The following FYN variants were observed in gnomAD, a reference collection of about 807,000 sequenced individuals.
The protein encoded by FYN is tyrosine-protein kinase Fyn.
A neutral mutation model predicts 70.2 loss-of-function variants in FYN; 10 were observed. That is an observed-to-expected ratio of 0.14 (90% CI 0.09 to 0.24). The LOEUF (loss-of-function observed/expected upper bound fraction) is 0.24. FYN is among the 10% of genes least tolerant of loss of function. FYN has a pLI of 1.00. For synonymous variants in FYN, 236 were observed against 248.6 expected, an observed-to-expected ratio of 0.95 and a Z score of 0.48; for missense variants, 319 against 673.1, an observed-to-expected ratio of 0.47 and a Z score of 5.82.
intron 2 of FYN, among the ~76,000 whole-genome samples, chr6:111,783,501 C>T (rs935825064): frequency 2.0e-5 from 3 of 152,170 alleles, no homozygotes; most frequent in African/African-American, 4.8e-5. Context: ...GATAACAAAA[C>T]GGGTGGCATG....
At chr6:111,695,478 A>C (rs1799531991) in intron 10 of FYN, among the ~76,000 whole-genome samples, 1 of 152,226 alleles carries the variant, frequency 6.6e-6, no homozygotes, top group African/African-American at 2.4e-5. Context: ...TCATTTGCAG[A>C]AGCTGGAGGC....
intron 1 of FYN, among the ~76,000 whole-genome samples, chr6:111,870,292 G>A (rs1250553502): frequency 1.3e-5 from 2 of 152,200 alleles, no homozygotes; most frequent in African/African-American, 2.4e-5. Context: ...TAAGCTATGG[G>A]ATGGTGGAGC....
At chr6:111,730,832 A>G (rs1801414902) in intron 3 of FYN, among the ~76,000 whole-genome samples, 1 of 151,562 alleles carries the variant, frequency 6.6e-6, no homozygotes, top group Admixed American at 6.6e-5. Flanking sequence ...TTCTATAAAA[A>G]CAATCAACCA....
chr6:111,769,132 T>C (rs777659005), intron 3 of FYN, among the ~76,000 whole-genome samples: 47 of 152,190 alleles, frequency 3.1e-4, no homozygotes, highest in Non-Finnish European at 5.4e-4. Flanking sequence ...ATCCAAAGGA[T>C]ACAGCACTGA....
At chr6:111,822,802 G>T (rs1772713713) in intron 2 of FYN, among the ~76,000 whole-genome samples, 1 of 152,146 alleles carries the variant, frequency 6.6e-6, no homozygotes, top group Non-Finnish European at 1.5e-5. Context: ...GAGTCAGAGA[G>T]GCGAGGGGAG....
At chr6:111,803,603 T>C (rs1030478048) in intron 2 of FYN, among the ~76,000 whole-genome samples, 31 of 152,208 alleles carry the variant, frequency 2.0e-4, no homozygotes, top group African/African-American at 6.5e-4. Flanking sequence ...ATCCACTTCA[T>C]AGTGTTTTGA....
rs547110414 is a variant in FYN, at chr6:111,799,582, G to A, written c.-81-18947C>T. ...ATACTACTAATTTCTGACATCTTCCGTCTCCTTGTGGTCCTTTCATCAAGT... is the reference window on the plus strand; with the variant it reads ...ATACTACTAATTTCTGACATCTTCCATCTCCTTGTGGTCCTTTCATCAAGT... On this transcript the variant is annotated intron_variant, in intron 2 of 13. Transcript: ENST00000354650. Among the ~76,000 whole-genome samples the A allele has an allele frequency of 2.6e-5, 4 of 152,258 alleles. No homozygotes were observed. The South Asian group carries it at 6.2e-4, about 24-fold the overall frequency.
intron 3 of FYN, among the ~76,000 whole-genome samples, chr6:111,747,185 A>ATT (rs1802266496): frequency 6.6e-6 from 1 of 152,200 alleles, no homozygotes; most frequent in Non-Finnish European, 1.5e-5. Flanking sequence ...AGTGGCTCAA[A>ATT]AGCATTTTCA....
Position 111,792,534 on chromosome 6 carries a change from C to T in FYN, c.-81-11899G>A, listed in dbSNP as rs542617765. On this transcript the variant is annotated intron_variant, in intron 2 of 13. Coordinates refer to ENST00000354650, the MANE Select transcript of FYN (RefSeq NM_002037.5). Reference sequence around the variant, plus strand: ...ACAAGAATGATCCTACCAGTACTATCTCTAACAGCCCCAAACTCGAAATAA... The same window carrying T: ...ACAAGAATGATCCTACCAGTACTATTTCTAACAGCCCCAAACTCGAAATAA... Among the ~76,000 whole-genome samples, 232 of 152,338 alleles carry T rather than the reference C, an allele frequency of 1.5e-3. 9 individuals are homozygous for T. In the South Asian group the frequency reaches 0.048, roughly 31 times the overall value.
intron 13 of FYN, among the ~76,000 whole-genome samples, chr6:111,667,400 C>T (rs1305764290): frequency 6.6e-6 from 1 of 151,992 alleles, no homozygotes; most frequent in Non-Finnish European, 1.5e-5. Flanking sequence ...CACCACCATG[C>T]CTGGCTGATT....
chr6:111,790,144 T>C (rs989837447), intron 2 of FYN, among the ~76,000 whole-genome samples: 1 of 151,852 alleles, frequency 6.6e-6, no homozygotes, highest in Non-Finnish European at 1.5e-5. Context: ...TGCCAAAAGA[T>C]ATCCAGCTAG....
chr6:111,843,378 T>G (rs557150392), intron 2 of FYN, among the ~76,000 whole-genome samples: 1 of 152,356 alleles, frequency 6.6e-6, no homozygotes, highest in Non-Finnish European at 1.5e-5. Context: ...ATTTTTCAAT[T>G]TTTAAATGGG....
chr6:111,699,913 CTTTTTTTTTTTTTTTT>C (rs71021861), intron 9 of FYN, 175 bp downstream of exon 9: 7 of 186,568 alleles, frequency 3.8e-5, no homozygotes, highest in African/African-American at 1.5e-4. Flanking sequence ...CACTTACTAT[CTTTTTTTTTTTTTTTT>C]TTTTTTTTTA....
intron 3 of FYN, among the ~76,000 whole-genome samples, chr6:111,769,683 T>C (rs1006144393): frequency 6.6e-6 from 1 of 152,144 alleles, no homozygotes; most frequent in Non-Finnish European, 1.5e-5. Context: ...CTAGTAAATA[T>C]TTTATGAATC....
At chr6:111,784,131 T>G (rs983097225) in intron 2 of FYN, among the ~76,000 whole-genome samples, 1 of 152,146 alleles carries the variant, frequency 6.6e-6, no homozygotes, top group African/African-American at 2.4e-5. Flanking sequence ...ACCTAGAACT[T>G]CCACAGCTAT....
At chr6:111,723,719 T>A (rs184404309) in intron 3 of FYN, among the ~76,000 whole-genome samples, 12 of 152,354 alleles carry the variant, frequency 7.9e-5, no homozygotes, top group Non-Finnish European at 1.8e-4. Flanking sequence ...AGGCAAACTT[T>A]TGATCATTCA....
At chr6:111,691,508 G>A in intron 12 of FYN, among the ~76,000 whole-genome samples, 1 of 152,162 alleles carries the variant, frequency 6.6e-6, no homozygotes, top group East Asian at 1.9e-4. Context: ...CAGCTGTCTG[G>A]AGGAGCTGAT....
chr6:111,806,209 A>C (rs1397498202), intron 2 of FYN, among the ~76,000 whole-genome samples: 2 of 152,206 alleles, frequency 1.3e-5, no homozygotes, highest in African/African-American at 4.8e-5. Context: ...ATACAATTGC[A>C]CGAGCTTGTA....
chr6:111,863,816 C>T (rs1774030584), intron 1 of FYN, among the ~76,000 whole-genome samples: 1 of 152,102 alleles, frequency 6.6e-6, no homozygotes, highest in Non-Finnish European at 1.5e-5. Context: ...TTTATGATCC[C>T]GGGCCCCTCT....
Sources: allele counts gnomAD v4.1 joint callset (sites outside exome capture counted in the v4.1 genomes callset), GRCh38; gene constraint gnomAD v4.1.1; transcripts MANE v1.5; gene names NCBI Gene and HGNC (gene_info 2026-07-23, HGNC 2026-07-21).